The following BTAF1 variants were observed in gnomAD, a reference collection of about 807,000 sequenced individuals.
BTAF1 encodes B-TFIID TATA-box binding protein associated factor 1.
In BTAF1, 38 loss-of-function variants were observed where a neutral mutation model predicts 227.1. That is an observed-to-expected ratio of 0.17 (90% CI 0.13 to 0.22). The LOEUF is 0.22. Ranked by LOEUF, BTAF1 falls within the 10% of genes least tolerant of loss-of-function variation. The pLI, the probability that BTAF1 is intolerant of heterozygous loss-of-function variation, is 1.00. For missense variants in BTAF1, 1,598 were observed against 2,204.0 expected, an observed-to-expected ratio of 0.73 and a Z score of 5.51; for synonymous variants, 742 against 751.9, an observed-to-expected ratio of 0.99 and a Z score of 0.21.
chr10:91,936,132 T>G (rs1844593386), intron 2 of BTAF1, among the ~76,000 whole-genome samples: 1 of 152,204 alleles, frequency 6.6e-6, no homozygotes, highest in East Asian at 1.9e-4. Context: ...ATGATTGAAA[T>G]ACATGAGAAG....
At chr10:92,004,697 C>T (rs1469310846) in intron 25 of BTAF1, among the ~76,000 whole-genome samples, 1 of 152,096 alleles carries the variant, frequency 6.6e-6, no homozygotes, top group Non-Finnish European at 1.5e-5. Context: ...TCTTAAACTC[C>T]TGGGCTCAAG....
chr10:92,024,433 C>T (rs1851345796), intron 34 of BTAF1, among the ~76,000 whole-genome samples: 2 of 152,076 alleles, frequency 1.3e-5, no homozygotes, highest in Admixed American at 6.5e-5. Flanking sequence ...GCCTATAATC[C>T]TTGCACTTTG....
At chr10:92,027,393 AC>A (rs1851588274) in intron 37 of BTAF1, 93 bp downstream of exon 37, 4 of 1,206,308 alleles carry the variant, frequency 3.3e-6, no homozygotes, top group Non-Finnish European at 4.6e-6. Context: ...AAATGCGTTT[AC>A]TTTAGTATCC....
At chr10:92,008,323 C>A in intron 26 of BTAF1, 48 bp downstream of exon 26, 1 of 1,464,166 alleles carries the variant, frequency 6.8e-7, no homozygotes, top group Non-Finnish European at 9.0e-7. Flanking sequence ...AACCTTGAAG[C>A]GTTGTGGGTT....
At chr10:91,959,282 G>A in intron 9 of BTAF1, 128 bp downstream of exon 9, 1 of 1,489,570 alleles carries the variant, frequency 6.7e-7, no homozygotes, top group Non-Finnish European at 8.9e-7. Context: ...GATATGAAAA[G>A]GTAAATATCA....
chr10:92,019,017 A>G (rs1850936031), intron 34 of BTAF1, 82 bp downstream of exon 34: 10 of 1,294,108 alleles, frequency 7.7e-6, no homozygotes, highest in African/African-American at 1.5e-5. Context: ...CTTAAAGATT[A>G]CTACTGTGTT....
intron 25 of BTAF1, among the ~76,000 whole-genome samples, chr10:92,001,976 AT>A (rs1564709030): frequency 3.2e-5 from 2 of 62,658 alleles, no homozygotes; most frequent in Non-Finnish European, 4.9e-5. Context: ...AACCATATAT[AT>A]ATATATATAC....
intron 1 of BTAF1, among the ~76,000 whole-genome samples, chr10:91,925,508 G>A (rs1843762386): frequency 2.3e-5 from 2 of 87,276 alleles, no homozygotes; most frequent in African/African-American, 5.7e-5. Context: ...TTCGGGCAAC[G>A]CTAATCTCTT....
In BTAF1 at chr10:91,957,246, A is replaced by G; in HGVS notation, c.853A>G (p.Ser285Gly). The G allele has an allele frequency of 6.2e-7, 1 of 1,612,960 alleles. No individual in the cohort carries two copies. The highest frequency in any genetic ancestry group is 8.5e-7 in the Non-Finnish European group (1 of 1,179,278). Reference sequence around the variant, plus strand: ...TCAGACAAATGAATGGCCTTTGGAAAGCTTTTGTGAAGAACTTTGCAATGA... The same window carrying G: ...TCAGACAAATGAATGGCCTTTGGAAGGCTTTTGTGAAGAACTTTGCAATGA... ...IEETNEWPLE[S>G]FCEELCNDLF... The change falls in exon 8 of 38, where the codon AGC (serine) becomes GGC (glycine). Residue 285 changes from serine (S) to glycine (G), a missense_variant. This residue lies in a region of BTAF1 where 298 missense variants were observed against 395.2 expected (regional missense o/e 0.75). Coordinates refer to ENST00000265990, the MANE Select transcript of BTAF1 (RefSeq NM_003972.3).
intron 11 of BTAF1, 82 bp from the exon 12 acceptor site, chr10:91,962,456 G>A (rs1407310578): frequency 1.0e-6 from 1 of 1,001,494 alleles, no homozygotes; most frequent in African/African-American, 1.6e-5. Context: ...TAGCTGTCAT[G>A]TGGCAAATTT....
At chr10:91,980,643 A>C in intron 15 of BTAF1, 85 bp downstream of exon 15, 1 of 1,010,796 alleles carries the variant, frequency 9.9e-7, no homozygotes, top group East Asian at 2.5e-5. Flanking sequence ...TCTGTTGGTC[A>C]TTCATATCTC....
Position 91,966,765 on chromosome 10 carries a change from C to A in BTAF1, c.1650+8C>A. ...TTATCAACACAGGACCAGGTAAGAACTGATAACTATAGCAGTCTTGAAACT... is the reference window on the plus strand; with the variant it reads ...TTATCAACACAGGACCAGGTAAGAAATGATAACTATAGCAGTCTTGAAACT... On this transcript the variant is annotated splice_region_variant and intron_variant, in intron 14 of 37. Coordinates refer to ENST00000265990, the MANE Select transcript of BTAF1 (RefSeq NM_003972.3). The A allele has an allele frequency of 1.2e-6, 2 of 1,612,270 alleles. No homozygotes were observed. Among genetic ancestry groups the A allele is most frequent in the Non-Finnish European group, 1.7e-6 (2 of 1,179,162 alleles).
intron 28 of BTAF1, 35 bp from the exon 29 acceptor site, chr10:92,011,038 C>A (rs1272721099): frequency 6.7e-7 from 1 of 1,498,008 alleles, no homozygotes; most frequent in South Asian, 1.2e-5. Context: ...TTTTCAGGGT[C>A]TCTGTTTTCT....
At chr10:91,939,840 G>A in intron 2 of BTAF1, 112 bp from the exon 3 acceptor site, 2 of 606,282 alleles carry the variant, frequency 3.3e-6, no homozygotes, top group South Asian at 4.5e-5. Flanking sequence ...ATATGTATTT[G>A]GATGGCTGCC....
intron 15 of BTAF1, among the ~76,000 whole-genome samples, chr10:91,981,338 A>G (rs1848045725): frequency 6.6e-6 from 1 of 152,142 alleles, no homozygotes; most frequent in South Asian, 2.1e-4. Context: ...GATATATGCA[A>G]AGGATTTATT....
intron 9 of BTAF1, among the ~76,000 whole-genome samples, chr10:91,959,469 G>A (rs1048054219): frequency 1.3e-5 from 2 of 151,850 alleles, no homozygotes; most frequent in East Asian, 1.9e-4. Context: ...CTTGGAGTGC[G>A]AGTAACATAA....
At chr10:91,950,194 C>T (rs1018325579) in intron 4 of BTAF1, among the ~76,000 whole-genome samples, 2 of 148,382 alleles carry the variant, frequency 1.3e-5, no homozygotes. Context: ...CAGATTTTAG[C>T]TGCCACGCAT....
chr10:91,950,065 C>G (rs1845641436), intron 4 of BTAF1, among the ~76,000 whole-genome samples: 1 of 147,878 alleles, frequency 6.8e-6, no homozygotes, highest in African/African-American at 2.5e-5. Context: ...CTCCTTAAGT[C>G]CAGGAGTTTG....
At chr10:91,963,142 C>CT (rs539316101) in intron 12 of BTAF1, among the ~76,000 whole-genome samples, 12 of 151,992 alleles carry the variant, frequency 7.9e-5, no homozygotes, top group Non-Finnish European at 1.5e-4. Context: ...GGGTCTCACT[C>CT]TGTCACCCAG....
Sources: gnomAD v4.1 joint callset for allele counts (sites outside exome capture counted in the v4.1 genomes callset) on GRCh38, gnomAD v4.1.1 for gene constraint, gnomAD v4.1.1 regional missense constraint, MANE v1.5 for transcripts, NCBI Gene and HGNC (gene_info 2026-07-23, HGNC 2026-07-21) for gene names.